The following PATL1 variants were observed in gnomAD, a reference collection of about 807,000 sequenced individuals.
PATL1 encodes protein PAT1 homolog 1.
Under a neutral mutation model 100.6 loss-of-function variants are expected in PATL1, and 32 were observed. That is an observed-to-expected ratio of 0.32 (90% CI 0.24 to 0.43). The LOEUF (loss-of-function observed/expected upper bound fraction) is 0.43, where lower values mean the gene tolerates loss of function less well. PATL1 is among the 20% of genes least tolerant of loss of function. PATL1 has a pLI of 1.00. For missense variants in PATL1, 747 were observed against 949.9 expected (o/e 0.79, Z 2.81); for synonymous variants, 332 against 330.0 (o/e 1.01, Z -0.07).
chr11:59,665,750 C>T (rs545190719), intron 2 of PATL1, among the ~76,000 whole-genome samples: 1 of 152,274 alleles, frequency 6.6e-6, no homozygotes, highest in Non-Finnish European at 1.5e-5. Context: ...CATGCTACTG[C>T]ACTCCAGTCT....
chr11:59,654,460 G>C (rs1367841387), intron 8 of PATL1, among the ~76,000 whole-genome samples: 2 of 138,818 alleles, frequency 1.4e-5, no homozygotes, highest in African/African-American at 5.5e-5. Context: ...CAGCCTGCGA[G>C]ACAGAGTGAG....
At chr11:59,662,310 A>G (rs1013411536) in intron 2 of PATL1, among the ~76,000 whole-genome samples, 5 of 152,160 alleles carry the variant, frequency 3.3e-5, no homozygotes, top group South Asian at 4.1e-4. Flanking sequence ...GGTCTTCTTT[A>G]TAATTATGTG....
rs1169855221 is a variant in PATL1 at position 59,651,549 on chromosome 11, C to T, written c.1519G>A (p.Asp507Asn). 1 of 1,606,814 alleles carries T rather than the reference C, an allele frequency of 6.2e-7. No homozygotes were observed. Among genetic ancestry groups the T allele is most frequent in the East Asian group, 2.2e-5 (1 of 44,844 alleles). Residue 507 changes from aspartate to asparagine, a missense_variant, in exon 12 of 19, where the codon GAT (aspartate) becomes AAT (asparagine). Physicochemically the swap from Asp to Asn is conservative, Grantham distance 23. Transcript: ENST00000300146. ...IDAVVTSRSE[D>N]DETKEKQVRD... Reference sequence around the variant, plus strand: ...ACAATTGTGTTGACACTTACATCATCCTCACTCCGAGATGTCACAACAGCA... The same window carrying T: ...ACAATTGTGTTGACACTTACATCATTCTCACTCCGAGATGTCACAACAGCA...
In PATL1 at chr11:59,664,788, T is replaced by C. The variant is rs1861665998; in HGVS notation, c.127+2065A>G. ...TCTCACTATGTTGCCGAGGATGGTC[T>C]TGAACTCCTGGCCTCAAGTGATCCT... On this transcript the variant is annotated intron_variant, in intron 2 of 18. Transcript: ENST00000300146. 2.6e-5 allele frequency among the ~76,000 whole-genome samples: 4 copies of C among 152,278 alleles called. No homozygotes were observed. The South Asian group carries it at 8.3e-4, about 32-fold the overall frequency.
At chr11:59,642,285 T>A (rs1162696155) in intron 16 of PATL1, among the ~76,000 whole-genome samples, 2 of 152,234 alleles carry the variant, frequency 1.3e-5, no homozygotes, top group Non-Finnish European at 2.9e-5. Flanking sequence ...CTACTATTCA[T>A]AGTGTTATGA....
intron 15 of PATL1, 109 bp from the exon 16 acceptor site, chr11:59,643,144 C>T: frequency 8.4e-7 from 1 of 1,187,600 alleles, no homozygotes. Context: ...CCACTTAAGG[C>T]ACAAGTCTGG....
chr11:59,644,620 T>C (rs1861334302), intron 15 of PATL1, among the ~76,000 whole-genome samples: 3 of 152,192 alleles, frequency 2.0e-5, no homozygotes, highest in Admixed American at 6.5e-5. Context: ...GTTGGCAGTG[T>C]CACTTAGCAG....
In PATL1 at chr11:59,656,481, AG is replaced by A. The variant is rs1433029136; in HGVS notation, c.723+17del. 6.9e-6 allele frequency: 11 copies of A among 1,591,640 alleles called. No homozygotes were observed. The highest frequency in any genetic ancestry group is 8.6e-6 in the Non-Finnish European group (10 of 1,160,870). ...AAAATACATACTGCACATTTTTGTT[AG>A]GCTTAAAGTGACATACCGGGACACT... On this transcript the variant is annotated intron_variant, in intron 6 of 18. Coordinates refer to ENST00000300146, the MANE Select transcript of PATL1 (RefSeq NM_152716.3).
In PATL1 at chr11:59,636,918, G is replaced by A. The variant is rs1861200292; in HGVS notation, c.*1472C>T. On this transcript the variant is annotated 3_prime_UTR_variant, in exon 19 of 19. Coordinates refer to ENST00000300146, the MANE Select transcript of PATL1 (RefSeq NM_152716.3). The stretch of plus-strand genomic sequence containing the variant: ...TGGAAATGGTCAGTAGACAACGGTA[G>A]AGGGAAGCTAGGTAACATCACTGGG... 1 of 152,676 alleles carries A rather than the reference G, an allele frequency of 6.5e-6. No homozygotes were observed. Among genetic ancestry groups the A allele is most frequent in the African/African-American group, 2.4e-5 (1 of 41,456 alleles). 9.5% of individuals were successfully genotyped at this position (152,676 alleles called of 1,614,324 possible).
chr11:59,664,014 C>T (rs751134418), intron 2 of PATL1, among the ~76,000 whole-genome samples: 1 of 152,138 alleles, frequency 6.6e-6, no homozygotes, highest in African/African-American at 2.4e-5. Context: ...TTTACAATTC[C>T]AGTACATTAC....
chr11:59,659,631 A>G (rs954351897), intron 2 of PATL1, among the ~76,000 whole-genome samples, 162 bp from the exon 3 acceptor site: 2 of 151,906 alleles, frequency 1.3e-5, no homozygotes, highest in African/African-American at 4.8e-5. Flanking sequence ...TCCCGGGTTC[A>G]AGCAATTCTC....
At chr11:59,665,170 C>A (rs1331245987) in intron 2 of PATL1, among the ~76,000 whole-genome samples, 1 of 152,184 alleles carries the variant, frequency 6.6e-6, no homozygotes, top group Admixed American at 6.5e-5. Context: ...AAATGACTGA[C>A]AATATTAAAA....
intron 2 of PATL1, among the ~76,000 whole-genome samples, chr11:59,660,038 A>T (rs1415822525): frequency 1.3e-5 from 2 of 152,246 alleles, no homozygotes; most frequent in Non-Finnish European, 2.9e-5. Flanking sequence ...AATAATGTCC[A>T]AACTATATTC....
rs1362811798 is a variant in PATL1, at chr11:59,658,939, G to A, written c.353C>T (p.Pro118Leu). The change falls in exon 4 of 19, where the codon CCA becomes CTA. Residue 118 changes from proline to leucine, a missense_variant. Coordinates refer to ENST00000300146, the MANE Select transcript of PATL1 (RefSeq NM_152716.3). ...CCAGATACTGGAATTCAGACTTCCT[G>A]GTTGGGGCTAACAAAAAAGGAAAAC... is the stretch of plus-strand genomic sequence containing the variant. ...VQTRPVLQPQPGSLNSSIWDG... is the reference protein window; with the variant it reads ...VQTRPVLQPQLGSLNSSIWDG... The A allele has an allele frequency of 1.9e-6, 3 of 1,548,494 alleles. No homozygotes were observed. Among genetic ancestry groups the A allele is most frequent in the Non-Finnish European group, 2.6e-6 (3 of 1,146,204 alleles).
chr11:59,653,155 G>C, intron 9 of PATL1, 137 bp from the exon 10 acceptor site: 1 of 710,814 alleles, frequency 1.4e-6, no homozygotes, highest in East Asian at 2.6e-5. Flanking sequence ...GAGTGAAAAA[G>C]AACTAAGTCT....
intron 10 of PATL1, 112 bp downstream of exon 10, chr11:59,652,726 G>C: frequency 6.7e-7 from 1 of 1,500,472 alleles, no homozygotes; most frequent in Middle Eastern, 2.0e-4. Flanking sequence ...AAGATGCTAA[G>C]TACCTCAAAA....
intron 1 of PATL1, 109 bp from the exon 2 acceptor site, chr11:59,667,073 T>G (rs1050750916): frequency 7.0e-7 from 1 of 1,429,452 alleles, no homozygotes; most frequent in Admixed American, 3.0e-5. Flanking sequence ...TGCTTCATTA[T>G]GACTTTTTGT....
rs550797376 is a variant in PATL1 at position 59,655,472 on chromosome 11, A to G, written c.1031+51T>C. 8 of 1,412,994 alleles carry G rather than the reference A, an allele frequency of 5.7e-6. No individual in the cohort carries two copies. The East Asian group carries it at 1.3e-4, about 22-fold the overall frequency. The allele number at this position is 1,412,994 out of a possible 1,614,324, so 87.5% of individuals were successfully genotyped here. A position where few individuals can be genotyped will look rare whatever the true frequency, so the allele number is the denominator to read the frequency against. On this transcript the variant is annotated intron_variant, in intron 8 of 18. Coordinates refer to ENST00000300146, the MANE Select transcript of PATL1 (RefSeq NM_152716.3). ...AGACTTATAAAACTACACATCCACA[A>G]TCAAGAGACTTGGCTGATAACTGAT...
chr11:59,646,967 C>A (rs1322934622), intron 15 of PATL1, among the ~76,000 whole-genome samples: 2 of 152,232 alleles, frequency 1.3e-5, no homozygotes, highest in East Asian at 3.9e-4. Flanking sequence ...AGCCTGTAAT[C>A]CCAGCACTTT....
Sources: gnomAD v4.1 joint callset for allele counts (sites outside exome capture counted in the v4.1 genomes callset) on GRCh38, gnomAD v4.1.1 for gene constraint, MANE v1.5 for transcripts, NCBI Gene and HGNC (gene_info 2026-07-23, HGNC 2026-07-21) for gene names.